The following LYPD6 variants were observed in gnomAD, a reference collection of about 807,000 sequenced individuals.
The protein encoded by LYPD6 is ly6/PLAUR domain-containing protein 6.
A neutral mutation model predicts 22.7 loss-of-function variants in LYPD6; 15 were observed. The observed-to-expected ratio is 0.66, with a 90% CI of 0.44 to 1.02. The LOEUF (loss-of-function observed/expected upper bound fraction) is 1.02. LYPD6 is among the 50% of genes least tolerant of loss of function. The pLI, the probability that LYPD6 is intolerant of heterozygous loss-of-function variation, is 0.00. For synonymous variants in LYPD6, 72 were observed against 77.5 expected, an observed-to-expected ratio of 0.93 and a Z score of 0.37; for missense variants, 189 against 208.4, an observed-to-expected ratio of 0.91 and a Z score of 0.57.
intron 1 of LYPD6, among the ~76,000 whole-genome samples, chr2:149,343,465 A>T (rs943780439): frequency 6.6e-6 from 1 of 152,200 alleles, no homozygotes; most frequent in African/African-American, 2.4e-5. Context: ...CCCAGCTTCA[A>T]AGCCACTCCT....
At position 149,468,705 on chromosome 2, in the gene LYPD6, C is replaced by T. The variant is rs147139982; in HGVS notation, c.278C>T (p.Thr93Ile). 2.3e-5 allele frequency: 37 copies of T among 1,613,612 alleles called. No homozygotes were observed. Among genetic ancestry groups the T allele is most frequent in the Non-Finnish European group, 3.0e-5 (35 of 1,179,704 alleles). ...MEVTGNSISV[T>I]KRCVPLEECL... ...GTCACAGGAAACAGTATCTCAGTCA[C>T]CAAACGCTGTGTCCCACTGGAAGAG... Residue 93 changes from threonine to isoleucine, a missense_variant, in exon 4 of 5, where the codon ACC (threonine) becomes ATC (isoleucine). Coordinates refer to ENST00000334166, the MANE Select transcript of LYPD6 (RefSeq NM_194317.5).
intron 1 of LYPD6, among the ~76,000 whole-genome samples, chr2:149,434,440 AT>A (rs1346082775): frequency 2.0e-5 from 3 of 152,274 alleles, no homozygotes; most frequent in Non-Finnish European, 4.4e-5. Flanking sequence ...GATATTGTGA[AT>A]TTTTAACTAT....
chr2:149,355,660 A>C (rs1278226193), intron 1 of LYPD6, among the ~76,000 whole-genome samples: 4 of 152,206 alleles, frequency 2.6e-5, no homozygotes, highest in African/African-American at 9.6e-5. Context: ...GGACTTGTGT[A>C]TACTCAGATG....
intron 1 of LYPD6, among the ~76,000 whole-genome samples, chr2:149,391,051 A>G (rs542885430): frequency 1.1e-4 from 16 of 152,322 alleles, no homozygotes; most frequent in African/African-American, 3.8e-4. Context: ...TCAGTTTTCC[A>G]TTAGGCTGTG....
intron 1 of LYPD6, among the ~76,000 whole-genome samples, chr2:149,334,836 A>G (rs1051644025): frequency 1.3e-4 from 20 of 151,818 alleles, no homozygotes; most frequent in Admixed American, 7.2e-4. Context: ...ACCTCATAAC[A>G]ATGTTTGGGT....
At chr2:149,424,450 T>C (rs1683149072) in intron 1 of LYPD6, among the ~76,000 whole-genome samples, 1 of 152,214 alleles carries the variant, frequency 6.6e-6, no homozygotes, top group Non-Finnish European at 1.5e-5. Context: ...AAAAGTAACC[T>C]GTCCAAGGTC....
intron 3 of LYPD6, among the ~76,000 whole-genome samples, chr2:149,453,120 T>G (rs1298070731): frequency 6.6e-6 from 1 of 152,216 alleles, no homozygotes; most frequent in Non-Finnish European, 1.5e-5. Flanking sequence ...CAACTTTAAT[T>G]TCATCAGCTA....
intron 1 of LYPD6, chr2:149,370,468 C>CGTGAGGG (rs1559127634): frequency 6.6e-6 from 1 of 152,024 alleles, no homozygotes; most frequent in Non-Finnish European, 1.5e-5. Flanking sequence ...ATATAAGAGG[C>CGTGAGGG]GTGAGGGTGC....
At chr2:149,434,270 T>A (rs974169926) in intron 1 of LYPD6, among the ~76,000 whole-genome samples, 7 of 152,198 alleles carry the variant, frequency 4.6e-5, no homozygotes, top group Non-Finnish European at 1.0e-4. Context: ...AAGAGTAAGT[T>A]AAAAATTGAA....
chr2:149,468,728 G>A lies in LYPD6; in HGVS notation c.301G>A (p.Glu101Lys). 1 of 1,613,698 alleles carries A rather than the reference G, an allele frequency of 6.2e-7. No individual in the cohort carries two copies. Among genetic ancestry groups the A allele is most frequent in the Non-Finnish European group, 8.5e-7 (1 of 1,179,734 alleles). Residue 101 changes from glutamate to lysine, a missense_variant, in exon 4 of 5, where the codon GAG becomes AAG. Physicochemically the swap from Glu to Lys is moderately conservative, Grantham distance 56 (BLOSUM62 1). Transcript: ENST00000334166. ...CACCAAACGCTGTGTCCCACTGGAA[G>A]AGTGCTTATCCACTGGCTGCAGAGA... ...SVTKRCVPLEECLSTGCRDSE... is the reference protein window; with the variant it reads ...SVTKRCVPLEKCLSTGCRDSE...
intron 2 of LYPD6, among the ~76,000 whole-genome samples, chr2:149,438,430 G>A (rs1268769463): frequency 6.6e-6 from 1 of 152,190 alleles, no homozygotes; most frequent in African/African-American, 2.4e-5. Flanking sequence ...TAAGGATCAC[G>A]CTTTAGGAAA....
intron 1 of LYPD6, among the ~76,000 whole-genome samples, chr2:149,403,395 G>T (rs1375785707): frequency 6.6e-6 from 1 of 150,608 alleles, no homozygotes; most frequent in African/African-American, 2.5e-5. Flanking sequence ...AGCACCTGTT[G>T]TTTCCTGACT....
intron 1 of LYPD6, among the ~76,000 whole-genome samples, chr2:149,429,079 C>T (rs1683247033): frequency 6.6e-6 from 1 of 152,072 alleles, no homozygotes; most frequent in South Asian, 2.1e-4. Flanking sequence ...CCTAGGTTTT[C>T]CTGTGGGAAA....
chr2:149,407,277 C>T (rs1272037940), intron 1 of LYPD6, among the ~76,000 whole-genome samples: 1 of 152,144 alleles, frequency 6.6e-6, no homozygotes, highest in African/African-American at 2.4e-5. Flanking sequence ...TGAATTTTGG[C>T]CTGCCTTGCC....
chr2:149,371,138 T>G (rs1027694802), intron 1 of LYPD6, among the ~76,000 whole-genome samples: 10 of 152,180 alleles, frequency 6.6e-5, no homozygotes, highest in Non-Finnish European at 4.4e-5. Flanking sequence ...AGACCATGGC[T>G]CACTGCAGCC....
chr2:149,331,222 C>T (rs551756998), intron 1 of LYPD6, among the ~76,000 whole-genome samples: 28 of 152,152 alleles, frequency 1.8e-4, no homozygotes, highest in Non-Finnish European at 3.5e-4. Flanking sequence ...AGGTACCTCC[C>T]CGCCGCTGCA....
At chr2:149,334,623 G>T (rs1356831288) in intron 1 of LYPD6, among the ~76,000 whole-genome samples, 2 of 152,170 alleles carry the variant, frequency 1.3e-5, no homozygotes. Context: ...CTGGGGGATT[G>T]ACTGGTGTCC....
At chr2:149,404,325 G>T (rs1682639831) in intron 1 of LYPD6, among the ~76,000 whole-genome samples, 1 of 152,182 alleles carries the variant, frequency 6.6e-6, no homozygotes, top group South Asian at 2.1e-4. Flanking sequence ...ACCTTGGGCA[G>T]TATGGCCATT....
intron 1 of LYPD6, among the ~76,000 whole-genome samples, chr2:149,365,724 C>T (rs1004261241): frequency 6.6e-6 from 1 of 151,746 alleles, no homozygotes; most frequent in Admixed American, 6.6e-5. Context: ...AGCTACTACA[C>T]TTGATCTTAG....
Sources: gnomAD v4.1 joint callset for allele counts (sites outside exome capture counted in the v4.1 genomes callset) on GRCh38, gnomAD v4.1.1 for gene constraint, MANE v1.5 for transcripts, NCBI Gene and HGNC (gene_info 2026-07-23, HGNC 2026-07-21) for gene names.